Variants in SARDH observed in about 807,000 individuals in gnomAD.
SARDH encodes sarcosine dehydrogenase, mitochondrial.
In SARDH, 95 loss-of-function variants were observed where a neutral mutation model predicts 109.1. That is an observed-to-expected ratio of 0.87 (90% CI 0.74 to 1.03). The LOEUF (loss-of-function observed/expected upper bound fraction) is 1.03, where lower values mean the gene tolerates loss of function less well. SARDH is among the 50% of genes least tolerant of loss of function. The pLI is 0.00. For synonymous variants in SARDH, 572 were observed against 534.8 expected (o/e 1.07, Z -0.96); for missense variants, 1,267 against 1,287.8 (o/e 0.98, Z 0.25).
chr9:133,694,126 C>A lies in SARDH; in HGVS notation c.1921+132G>T, dbSNP rs1831197986. The A allele has an allele frequency of 7.5e-6, 5 of 668,930 alleles. 1 individual carries two copies. In the Middle Eastern group the frequency reaches 1.6e-3, roughly 216 times the overall value. The allele number at this position is 668,930 out of a possible 1,614,324, so 41.4% of individuals were successfully genotyped here. A position where few individuals can be genotyped will look rare whatever the true frequency, so the allele number is the denominator to read the frequency against. On this transcript the variant is annotated intron_variant, in intron 15 of 20. Transcript: ENST00000439388. ...GAGACCTCTAATCTCCCAGCTCTGA[C>A]CACAGCGGGCACAACAGCTAATGAC...
chr9:133,726,394 A>ATAATAACAATAATAATAATAATAG (rs59172198), intron 6 of SARDH, among the ~76,000 whole-genome samples: 1 of 132,338 alleles, frequency 7.6e-6, no homozygotes, highest in Non-Finnish European at 1.6e-5. Flanking sequence ...AATAATAATA[A>ATAATAACAATAATAATAATAATAG]TAGTAGTAGT....
intron 8 of SARDH, among the ~76,000 whole-genome samples, chr9:133,716,198 G>A (rs1003131247): frequency 6.6e-6 from 1 of 152,190 alleles, no homozygotes; most frequent in Admixed American, 6.5e-5. Flanking sequence ...CCCATGCCTC[G>A]TGTCAGAGCA....
Position 133,682,707 on chromosome 9 carries a change from C to A in SARDH, c.2163+2486G>T, listed in dbSNP as rs188900693. Among the ~76,000 whole-genome samples, 1,137 of 122,544 alleles carry A rather than the reference C, an allele frequency of 9.3e-3. 40 individuals are homozygous for A. The highest frequency in any genetic ancestry group is 0.045 in the South Asian group (159 of 3,572). The allele number at this position is 122,544 out of a possible 152,430, so 80.4% of individuals were successfully genotyped here. On this transcript the variant is annotated intron_variant, in intron 17 of 20. Coordinates refer to ENST00000439388, the MANE Select transcript of SARDH (RefSeq NM_001134707.2). The stretch of plus-strand genomic sequence containing the variant: ...CTGCACTCAGCCCCTGTGCTGAAAC[C>A]CATGCGCAGTGATGGTTGGAAACTG...
rs940027005 is a variant in SARDH, at chr9:133,732,654, T to TC, written c.332-54dup. ...CCCCAGGGAGTGGACTGCACCTCCT[T>TC]CCCCCAGACGAATATCAGGGGATAC... On this transcript the variant is annotated intron_variant, in intron 2 of 20. Transcript: ENST00000439388. 5.8e-5 allele frequency: 89 copies of TC among 1,531,466 alleles called. No homozygotes were observed. The Admixed American group carries it at 1.8e-3, about 30-fold the overall frequency. The allele number at this position is 1,531,466 out of a possible 1,614,324, so 94.9% of individuals were successfully genotyped here. A position where few individuals can be genotyped will look rare whatever the true frequency, so the allele number is the denominator to read the frequency against.
intron 11 of SARDH, among the ~76,000 whole-genome samples, chr9:133,706,673 C>T (rs1831706882): frequency 6.6e-6 from 1 of 152,132 alleles, no homozygotes; most frequent in South Asian, 2.1e-4. Flanking sequence ...TGGGAGGTTT[C>T]TTTAAAAATA....
At position 133,733,860 on chromosome 9, in the gene SARDH, G is replaced by A. The variant is rs1832769889; in HGVS notation, c.314C>T (p.Thr105Ile). 2.7e-6 allele frequency: 4 copies of A among 1,474,042 alleles called. No homozygotes were observed. The highest frequency in any genetic ancestry group is 4.9e-5 in the East Asian group (2 of 40,808). The allele number at this position is 1,474,042 out of a possible 1,614,324, so 91.3% of individuals were successfully genotyped here. ...GTCCCTACCTGCCGTGTGCCAGGTG[G>A]TCCCGGAGGTCAGCCGCTCCCGCTC... Reference protein sequence around the residue: ...LLERERLTSGTTWHTAGLLWQ... With the variant: ...LLERERLTSGITWHTAGLLWQ... The change falls in exon 2 of 21, where the codon ACC (threonine) becomes ATC (isoleucine). Residue 105 changes from threonine to isoleucine, a missense_variant. By Grantham distance (89) the Thr-to-Ile change is moderately conservative. Coordinates refer to ENST00000439388, the MANE Select transcript of SARDH (RefSeq NM_001134707.2).
intron 19 of SARDH, among the ~76,000 whole-genome samples, chr9:133,670,088 G>C (rs1354120385): frequency 6.6e-6 from 1 of 152,180 alleles, no homozygotes; most frequent in Admixed American, 6.5e-5. Context: ...CAGCACTTTG[G>C]GAGGCCGAGG....
chr9:133,690,388 G>T lies in SARDH; in HGVS notation c.2061C>A (p.Gly687=), dbSNP rs1380312209. ...SEDLGMISIQ[G]PASRAILQEV... is the part of the protein sequence containing the mutation. ...TCCCAGTCCTCTCTCACCTGGCTGG[G>T]CCCTGGATACTGATCATACCCAGGT... Residue 687 remains glycine (G), a synonymous_variant, in exon 16 of 21, where the codon GGC becomes GGA. Coordinates refer to ENST00000439388, the MANE Select transcript of SARDH (RefSeq NM_001134707.2). 6.2e-7 allele frequency: 1 copy of T among 1,611,066 alleles called. No individual in the cohort carries two copies. Among genetic ancestry groups the T allele is most frequent in the Non-Finnish European group, 8.5e-7 (1 of 1,178,580 alleles).
intron 10 of SARDH, among the ~76,000 whole-genome samples, chr9:133,710,440 C>T (rs1246476941): frequency 6.6e-6 from 1 of 152,236 alleles, no homozygotes; most frequent in Admixed American, 6.5e-5. Context: ...CCCAGACAGG[C>T]CCCGCACCCA....
chr9:133,711,624 C>T (rs568738175), intron 10 of SARDH, among the ~76,000 whole-genome samples: 2 of 152,240 alleles, frequency 1.3e-5, no homozygotes, highest in East Asian at 1.9e-4. Flanking sequence ...CCACAGTGGG[C>T]GTAATGTCCT....
rs911154315 is a variant in SARDH, at chr9:133,718,781, G to A, written c.1020+157C>T. Reference sequence around the variant, plus strand: ...GCCTGCCAGGACCGTCAGGGTAAGAGCAAGATGGCTTTGAGCTTGGTGGGG... The same window carrying A: ...GCCTGCCAGGACCGTCAGGGTAAGAACAAGATGGCTTTGAGCTTGGTGGGG... On this transcript the variant is annotated intron_variant, in intron 7 of 20. Coordinates refer to ENST00000439388, the MANE Select transcript of SARDH (RefSeq NM_001134707.2). The surrounding 1 kb of genome is among the most constrained non-coding windows in gnomAD (Gnocchi z 4.2). 2 of 789,954 alleles carry A rather than the reference G, an allele frequency of 2.5e-6. No individual in the cohort carries two copies. Among genetic ancestry groups the A allele is most frequent in the African/African-American group, 3.4e-5 (2 of 59,312 alleles). The allele number at this position is 789,954 out of a possible 1,614,324, so 48.9% of individuals were successfully genotyped here. A position where few individuals can be genotyped will look rare whatever the true frequency, so the allele number is the denominator to read the frequency against.
At position 133,668,373 on chromosome 9, in the gene SARDH, TTCTCCCTCAGCCTCCCTCTCCC is replaced by T. The variant is rs1163089721; in HGVS notation, c.2496-1525_2496-1504del. On this transcript the variant is annotated intron_variant, in intron 19 of 20. Coordinates refer to ENST00000439388, the MANE Select transcript of SARDH (RefSeq NM_001134707.2). ...TCACCCTCCCTCTCCCTCACCCTCATTCTCCCTCAGCCTCCCTCTCCCTCTCCCTTCACCCTCCCTCTCCCTC... is the reference window on the plus strand; with the variant it reads ...TCACCCTCCCTCTCCCTCACCCTCATTCTCCCTTCACCCTCCCTCTCCCTC... Among the ~76,000 whole-genome samples the T allele has an allele frequency of 6.9e-3, 439 of 63,810 alleles. 3 individuals are homozygous for T. The highest frequency in any genetic ancestry group is 0.032 in the South Asian group (36 of 1,142). The allele number at this position is 63,810 out of a possible 152,430, so 41.9% of individuals were successfully genotyped here.
chr9:133,681,239 C>T (rs931573429), intron 17 of SARDH, among the ~76,000 whole-genome samples: 2 of 152,184 alleles, frequency 1.3e-5, no homozygotes, highest in Non-Finnish European at 2.9e-5. Context: ...AGAGCAGGGG[C>T]AGCTGATGTG....
At position 133,712,501 on chromosome 9, in the gene SARDH, C is replaced by A; in HGVS notation, c.1328+118G>T. ...TGGCCTTCCTCCCTCACTGCTGCCC[C>A]TTCCAGGAAGCCACCTGGATTTCAG... On this transcript the variant is annotated intron_variant, in intron 10 of 20. Coordinates refer to ENST00000439388, the MANE Select transcript of SARDH (RefSeq NM_001134707.2). This position sits in a 1 kb window ranked among gnomAD's most constrained non-coding sequence, Gnocchi z 4.1. 1 of 909,812 alleles carries A rather than the reference C, an allele frequency of 1.1e-6. No individual in the cohort carries two copies. The highest frequency in any genetic ancestry group is 2.5e-5 in the East Asian group (1 of 39,914). The allele number at this position is 909,812 out of a possible 1,614,324, so 56.4% of individuals were successfully genotyped here. A position where few individuals can be genotyped will look rare whatever the true frequency, so the allele number is the denominator to read the frequency against.
chr9:133,712,669 G>A lies in SARDH; in HGVS notation c.1278C>T (p.His426=), dbSNP rs1270617074. ...TCTCCGGGCGCCCATGGATGATCCA[G>A]TGGGCCAGCTCCTGCCCACAGCCAC... The part of the protein sequence containing the change: ...LGGGCGQELA[H]WIIHGRPEKD... Residue 426 remains histidine (H), a synonymous_variant, in exon 10 of 21, where the codon CAC becomes CAT. Coordinates refer to ENST00000439388, the MANE Select transcript of SARDH (RefSeq NM_001134707.2). The surrounding 1 kb of genome is among the most constrained non-coding windows in gnomAD (Gnocchi z 4.1). 18 of 1,610,294 alleles carry A rather than the reference G, an allele frequency of 1.1e-5. No individual in the cohort carries two copies. Among genetic ancestry groups the A allele is most frequent in the Non-Finnish European group, 1.5e-5 (18 of 1,179,970 alleles).
At chr9:133,722,417 G>A (rs1832354979) in intron 6 of SARDH, among the ~76,000 whole-genome samples, 1 of 152,016 alleles carries the variant, frequency 6.6e-6, no homozygotes, top group South Asian at 2.1e-4. Context: ...CTTCAAGGAA[G>A]AAGGATGGCT....
intron 6 of SARDH, among the ~76,000 whole-genome samples, chr9:133,725,189 A>G (rs760863356): frequency 6.6e-6 from 1 of 152,186 alleles, no homozygotes; most frequent in Non-Finnish European, 1.5e-5. Context: ...CAGATTTGGG[A>G]TTGCCTAAGT....
intron 10 of SARDH, among the ~76,000 whole-genome samples, chr9:133,708,779 CTG>C (rs1005630889): frequency 2.0e-5 from 3 of 152,256 alleles, no homozygotes; most frequent in Admixed American, 1.3e-4. Context: ...CCCTACATGA[CTG>C]GGGAGGGAGC....
downstream of SARDH, among the ~76,000 whole-genome samples, chr9:133,660,647 C>CCTAT (rs1382782547): frequency 7.9e-5 from 12 of 152,104 alleles, no homozygotes; most frequent in Admixed American, 5.2e-4. Context: ...CTTGGGTCTC[C>CCTAT]CTATCTGCCC....
Sources: allele counts gnomAD v4.1 joint callset (sites outside exome capture counted in the v4.1 genomes callset), GRCh38; gene constraint gnomAD v4.1.1; non-coding constraint Gnocchi (gnomAD v3.1); transcripts MANE v1.5; gene names NCBI Gene and HGNC (gene_info 2026-07-23, HGNC 2026-07-21).